MTM1: variants seen among roughly 807,000 people sequenced by gnomAD.
MTM1 encodes the protein myotubularin.
MTM1 carries 9 observed loss-of-function variants against 52.1 expected under a neutral mutation model. The ratio of observed to expected loss-of-function variants is 0.17; its 90% CI spans 0.10 to 0.30. The LOEUF is 0.30. Ranked by LOEUF, MTM1 falls within the 10% of genes least tolerant of loss-of-function variation. The probability of loss-of-function intolerance (pLI) is 1.00; values close to 1 mark genes in which losing one functional copy is unlikely to be tolerated. For missense variants in MTM1, 277 were observed against 470.7 expected (o/e 0.59, Z 3.81); for synonymous variants, 136 against 163.8 (o/e 0.83, Z 1.29).
chrX:150,583,650 A>G lies in MTM1; in HGVS notation c.-10-8955A>G, dbSNP rs1381822535. The stretch of plus-strand genomic sequence containing the variant: ...ATAATTTATATATAATATATAATTT[A>G]TATATATTATATATAATTTATATAT... On this transcript the variant is annotated intron_variant, in intron 1 of 14. Transcript: ENST00000370396. Among the ~76,000 whole-genome samples, 197 of 36,190 alleles carry G rather than the reference A, an allele frequency of 5.4e-3. 24 individuals are homozygous for G. The highest frequency in any genetic ancestry group is 0.022 in the African/African-American group (181 of 8,190). The allele number at this position is 36,190 out of a possible 115,157, so 31.4% of individuals were successfully genotyped here.
intron 1 of MTM1, among the ~76,000 whole-genome samples, chrX:150,579,013 A>C (rs1685835105): frequency 3.0e-5 from 2 of 66,088 alleles, no homozygotes; most frequent in African/African-American, 5.0e-5. Flanking sequence ...ATGTATCTAT[A>C]TATCTCTATC....
At chrX:150,585,778 G>C (rs782357678) in intron 1 of MTM1, among the ~76,000 whole-genome samples, 3 of 112,056 alleles carry the variant, frequency 2.7e-5, no homozygotes, top group Non-Finnish European at 5.6e-5. Flanking sequence ...GGTAGCCTTT[G>C]TACATTAAAA....
intron 6 of MTM1, among the ~76,000 whole-genome samples, chrX:150,635,029 G>A (rs1557413676): frequency 9.0e-6 from 1 of 110,825 alleles, no homozygotes; most frequent in East Asian, 2.8e-4. Context: ...GGTGAGGCAG[G>A]GCACAGGGCA....
chrX:150,581,378 T>TTAC (rs1954087663), intron 1 of MTM1, among the ~76,000 whole-genome samples: 1 of 111,964 alleles, frequency 8.9e-6, no homozygotes, highest in Non-Finnish European at 1.9e-5. Context: ...AAATGCCTCA[T>TTAC]TACATGATAG....
chrX:150,590,445 G>T (rs1483799766), intron 1 of MTM1, among the ~76,000 whole-genome samples: 1 of 111,734 alleles, frequency 8.9e-6, no homozygotes, highest in Non-Finnish European at 1.9e-5. Flanking sequence ...AGGATTGGGA[G>T]TGGTGGGTGA....
intron 8 of MTM1, among the ~76,000 whole-genome samples, chrX:150,642,175 C>A (rs969086164): frequency 9.0e-6 from 1 of 111,098 alleles, no homozygotes; most frequent in African/African-American, 3.3e-5. Flanking sequence ...CAAGTCTAGA[C>A]ATTTTTTTTC....
At position 150,612,669 on chromosome X, in the gene MTM1, ACT is replaced by A. The variant is rs1436493564; in HGVS notation, c.232-1917_232-1916del. The stretch of plus-strand genomic sequence containing the variant: ...CGACCAGCCTGGACAACATAGTAAG[ACT>A]CTGTCTCTACAAAAAACTTTTAAAA... On this transcript the variant is annotated intron_variant, in intron 4 of 14. Transcript: ENST00000370396. Among the ~76,000 whole-genome samples the A allele has an allele frequency of 3.6e-5, 4 of 111,316 alleles. No individual in the cohort carries two copies. In the East Asian group the frequency reaches 1.1e-3, roughly 31 times the overall value.
chrX:150,645,497 GTTATA>G (rs1301257441), intron 8 of MTM1, among the ~76,000 whole-genome samples, 181 bp from the exon 9 acceptor site: 1 of 112,455 alleles, frequency 8.9e-6, no homozygotes, highest in East Asian at 2.8e-4. Context: ...TTGTTTCTGA[GTTATA>G]TTATTAAATG....
At chrX:150,668,549 G>A (rs1228938692) in intron 14 of MTM1, among the ~76,000 whole-genome samples, 1 of 101,198 alleles carries the variant, frequency 9.9e-6, no homozygotes, top group African/African-American at 3.7e-5. Flanking sequence ...AAAAAAAAAT[G>A]TTTTAAGTAG....
chrX:150,580,878 G>A (rs978081259), intron 1 of MTM1, among the ~76,000 whole-genome samples: 1 of 111,680 alleles, frequency 9.0e-6, no homozygotes, highest in African/African-American at 3.3e-5. Flanking sequence ...AGGTCAACCT[G>A]CTCTTGCAAG....
At chrX:150,577,993 T>TG (rs1473634345) in intron 1 of MTM1, among the ~76,000 whole-genome samples, 2 of 112,154 alleles carry the variant, frequency 1.8e-5, no homozygotes, top group Non-Finnish European at 3.8e-5. Flanking sequence ...GCAGGACCTG[T>TG]GACTTGCTTC....
chrX:150,637,332 G>T, intron 6 of MTM1, among the ~76,000 whole-genome samples: 1 of 111,625 alleles, frequency 9.0e-6, no homozygotes, highest in Non-Finnish European at 1.9e-5. Context: ...TGGGGAGGGA[G>T]CTACATAGAG....
chrX:150,638,551 C>T (rs1170315757), intron 6 of MTM1, among the ~76,000 whole-genome samples: 1 of 111,568 alleles, frequency 9.0e-6, no homozygotes, highest in Non-Finnish European at 1.9e-5. Context: ...ACAGTTGCAC[C>T]GTTTAACAAT....
chrX:150,656,422 A>C (rs2040115287), intron 10 of MTM1, among the ~76,000 whole-genome samples: 1 of 111,792 alleles, frequency 8.9e-6, no homozygotes, highest in South Asian at 3.8e-4. Context: ...GTGACCTGGA[A>C]AAGATCTTTA....
chrX:150,583,415 T>C (rs1270733516), intron 1 of MTM1, among the ~76,000 whole-genome samples: 1 of 39,569 alleles, frequency 2.5e-5, no homozygotes, highest in African/African-American at 1.1e-4. Flanking sequence ...TATATTATAT[T>C]ATATATAATT....
chrX:150,606,626 G>A (rs782672867), intron 4 of MTM1, among the ~76,000 whole-genome samples: 9 of 110,892 alleles, frequency 8.1e-5, no homozygotes, highest in African/African-American at 2.6e-4. Context: ...TCCTTCCCTC[G>A]CATCTGAGAG....
chrX:150,583,888 T>TATTTAAC (rs1487318842), intron 1 of MTM1, among the ~76,000 whole-genome samples: 1 of 36,333 alleles, frequency 2.8e-5, no homozygotes, highest in African/African-American at 2.0e-4. Context: ...TAAATATATA[T>TATTTAAC]ATATATTTGA....
intron 1 of MTM1, among the ~76,000 whole-genome samples, chrX:150,575,928 C>T (rs1024382902): frequency 9.0e-6 from 1 of 111,295 alleles, no homozygotes; most frequent in Admixed American, 9.6e-5. Flanking sequence ...TCTCCTGCCT[C>T]AGTCTCCCAA....
At chrX:150,564,672 C>T (rs781821080), upstream of MTM1, among the ~76,000 whole-genome samples, 317 of 112,157 alleles carry the variant, frequency 2.8e-3, 1 homozygote, top group African/African-American at 9.4e-3. Context: ...TGAACCACCG[C>T]GCCCAGCTTT....
Sources: allele counts gnomAD v4.1 joint callset (sites outside exome capture counted in the v4.1 genomes callset), GRCh38; gene constraint gnomAD v4.1.1; transcripts MANE v1.5; gene names NCBI Gene and HGNC (gene_info 2026-07-23, HGNC 2026-07-21).